The following LRRIQ3 variants were observed in gnomAD, a reference collection of about 807,000 sequenced individuals.
The protein encoded by LRRIQ3 is leucine rich repeats and IQ motif containing 3.
Under a neutral mutation model 59.3 loss-of-function variants are expected in LRRIQ3, and 75 were observed. That is an observed-to-expected ratio of 1.26 (90% CI 1.05 to 1.53). LRRIQ3 has a LOEUF of 1.53. Among genes scored for constraint, LRRIQ3 ranks in the 40% most tolerant of loss-of-function variants. The pLI is 0.00. For synonymous variants in LRRIQ3, 250 were observed against 231.3 expected (o/e 1.08, Z -0.73); for missense variants, 831 against 710.0 (o/e 1.17, Z -1.94).
chr1:74,161,990 A>G (rs1648689226), intron 3 of LRRIQ3, among the ~76,000 whole-genome samples: 1 of 151,926 alleles, frequency 6.6e-6, no homozygotes, highest in Non-Finnish European at 1.5e-5. Flanking sequence ...AAGAAAAACT[A>G]CATTTGTTTA....
chr1:74,050,362 T>C (rs1271876210), intron 6 of LRRIQ3, among the ~76,000 whole-genome samples: 1 of 152,208 alleles, frequency 6.6e-6, no homozygotes, highest in Non-Finnish European at 1.5e-5. Context: ...AAGAAAAGCT[T>C]GCTAAAAAGC....
intron 6 of LRRIQ3, among the ~76,000 whole-genome samples, chr1:74,060,212 C>G (rs868740586): frequency 2.9e-5 from 1 of 34,988 alleles, no homozygotes; most frequent in Admixed American, 3.8e-4. Context: ...TCTTCTTCTT[C>G]TTCTTCTTGT....
chr1:74,151,248 C>T (rs973419375), intron 4 of LRRIQ3, among the ~76,000 whole-genome samples: 3 of 151,868 alleles, frequency 2.0e-5, no homozygotes, highest in Admixed American at 1.3e-4. Context: ...GATCTCTTGA[C>T]CTCGTGATCT....
At chr1:74,080,006 C>A (rs1036619433) in intron 5 of LRRIQ3, among the ~76,000 whole-genome samples, 2 of 151,676 alleles carry the variant, frequency 1.3e-5, no homozygotes, top group African/African-American at 4.8e-5. Context: ...TATCACGATT[C>A]TCTGAATTTA....
intron 6 of LRRIQ3, among the ~76,000 whole-genome samples, chr1:74,072,502 T>C (rs1377319521): frequency 6.6e-6 from 1 of 151,930 alleles, no homozygotes; most frequent in Non-Finnish European, 1.5e-5. Flanking sequence ...TATATATATA[T>C]ATATTTTTTA....
chr1:74,158,933 T>C (rs1648502852), intron 3 of LRRIQ3, among the ~76,000 whole-genome samples: 1 of 152,084 alleles, frequency 6.6e-6, no homozygotes, highest in Non-Finnish European at 1.5e-5. Context: ...CCTGGGCCCC[T>C]GAACTTTGGC....
chr1:74,188,990 C>A (rs1378237242), intron 1 of LRRIQ3, among the ~76,000 whole-genome samples: 1 of 152,098 alleles, frequency 6.6e-6, no homozygotes, highest in Non-Finnish European at 1.5e-5. Context: ...AAATAACCAT[C>A]ATTTTGTTAC....
chr1:74,197,437 A>G (rs1348342605), intron 1 of LRRIQ3, among the ~76,000 whole-genome samples: 2 of 152,216 alleles, frequency 1.3e-5, no homozygotes, highest in African/African-American at 4.8e-5. Context: ...AGTGGTCTGT[A>G]AAACCAAGAA....
chr1:74,145,491 C>T (rs1647513028), intron 4 of LRRIQ3, among the ~76,000 whole-genome samples: 1 of 151,486 alleles, frequency 6.6e-6, no homozygotes, highest in Non-Finnish European at 1.5e-5. Flanking sequence ...CCGCTGTTTG[C>T]AAGTAAGAAC....
At chr1:74,097,337 G>T (rs1344880065) in intron 5 of LRRIQ3, among the ~76,000 whole-genome samples, 3 of 152,150 alleles carry the variant, frequency 2.0e-5, no homozygotes, top group Non-Finnish European at 4.4e-5. Flanking sequence ...TGAATGAAAT[G>T]AAGCGAGAAG....
chr1:74,047,129 A>G (rs1654228507), intron 6 of LRRIQ3, among the ~76,000 whole-genome samples: 1 of 152,192 alleles, frequency 6.6e-6, no homozygotes, highest in Non-Finnish European at 1.5e-5. Context: ...TCTACTATAA[A>G]GACACATACA....
At chr1:74,084,850 G>A (rs1646310029) in intron 5 of LRRIQ3, among the ~76,000 whole-genome samples, 1 of 151,616 alleles carries the variant, frequency 6.6e-6, no homozygotes, top group Admixed American at 6.6e-5. Flanking sequence ...TTTTTGGTCT[G>A]TTAATATCAT....
chr1:74,132,852 A>G (rs1478291492), intron 4 of LRRIQ3, among the ~76,000 whole-genome samples: 1 of 152,224 alleles, frequency 6.6e-6, no homozygotes, highest in Admixed American at 6.5e-5. Context: ...ACAAAAGCCA[A>G]AATTGACAAA....
intron 4 of LRRIQ3, among the ~76,000 whole-genome samples, chr1:74,125,465 T>A (rs1362094359): frequency 6.6e-6 from 1 of 151,910 alleles, no homozygotes; most frequent in Non-Finnish European, 1.5e-5. Flanking sequence ...TTTTTCCTAT[T>A]CAGTCTGAAT....
At chr1:74,173,529 TTTG>T (rs1649457105) in intron 3 of LRRIQ3, among the ~76,000 whole-genome samples, 1 of 152,026 alleles carries the variant, frequency 6.6e-6, no homozygotes, top group South Asian at 2.1e-4. Flanking sequence ...AGGTTTTTTC[TTTG>T]TTATCATGAG....
chr1:74,117,782 C>T (rs1646797837), intron 4 of LRRIQ3, among the ~76,000 whole-genome samples: 1 of 151,940 alleles, frequency 6.6e-6, no homozygotes. Context: ...AGTAATAATA[C>T]ACCATATAAC....
chr1:74,070,168 A>T (rs1287364297), intron 6 of LRRIQ3, among the ~76,000 whole-genome samples: 2 of 152,088 alleles, frequency 1.3e-5, no homozygotes. Context: ...TATCATAAAG[A>T]CACATGCACA....
chr1:74,114,038 CAT>C (rs911327317), intron 4 of LRRIQ3, among the ~76,000 whole-genome samples: 1 of 151,162 alleles, frequency 6.6e-6, no homozygotes, highest in Non-Finnish European at 1.5e-5. Flanking sequence ...TATATATACA[CAT>C]ATATATAATT....
At chr1:74,057,695 G>A (rs996400986) in intron 6 of LRRIQ3, among the ~76,000 whole-genome samples, 3 of 152,092 alleles carry the variant, frequency 2.0e-5, no homozygotes, top group Non-Finnish European at 2.9e-5. Context: ...AGGACTTTTT[G>A]AAATAGACTT....
Sources: allele counts gnomAD v4.1 joint callset (sites outside exome capture counted in the v4.1 genomes callset), GRCh38; gene constraint gnomAD v4.1.1; transcripts MANE v1.5; gene names NCBI Gene and HGNC (gene_info 2026-07-23, HGNC 2026-07-21).